RPTOR: variants seen among roughly 807,000 people sequenced by gnomAD.
RPTOR encodes regulatory associated protein of MTOR complex 1, also known as regulatory-associated protein of mTOR.
A neutral mutation model predicts 169.9 loss-of-function variants in RPTOR; 21 were observed. That is an observed-to-expected ratio of 0.12 (90% confidence interval 0.09 to 0.18). RPTOR has a LOEUF of 0.18. Among genes scored for constraint, RPTOR ranks in the 10% least tolerant of loss-of-function variants. The pLI, the probability that RPTOR is intolerant of heterozygous loss-of-function variation, is 1.00. For synonymous variants in RPTOR, 732 were observed against 753.2 expected, an observed-to-expected ratio of 0.97 and a Z score of 0.46; for missense variants, 1,133 against 1,855.9, an observed-to-expected ratio of 0.61 and a Z score of 7.16.
chr17:80,669,802 C>G (rs1005737660), intron 3 of RPTOR, among the ~76,000 whole-genome samples: 2 of 152,240 alleles, frequency 1.3e-5, no homozygotes, highest in Admixed American at 1.3e-4. Flanking sequence ...TGGATCATCT[C>G]TCTTTCCTCT....
intron 1 of RPTOR, among the ~76,000 whole-genome samples, chr17:80,606,074 C>T (rs964713950): frequency 2.0e-5 from 3 of 152,058 alleles, no homozygotes; most frequent in African/African-American, 2.4e-5. Flanking sequence ...TGCAGTGGTG[C>T]GATCTGGGCT....
intron 7 of RPTOR, among the ~76,000 whole-genome samples, chr17:80,799,826 C>T (rs571911128): frequency 3.6e-4 from 55 of 152,270 alleles, no homozygotes; most frequent in Middle Eastern, 3.4e-3. Context: ...GTCCTGAGTG[C>T]AGGCTGCAGG....
intron 1 of RPTOR, among the ~76,000 whole-genome samples, chr17:80,577,974 A>G (rs2064979958): frequency 6.6e-6 from 1 of 152,246 alleles, no homozygotes; most frequent in Non-Finnish European, 1.5e-5. Context: ...GCGCAGTCAA[A>G]TGCGTCAGAC....
chr17:80,545,881 G>A, intron 1 of RPTOR, 90 bp downstream of exon 1: 3 of 1,138,086 alleles, frequency 2.6e-6, no homozygotes, highest in South Asian at 1.7e-5. Context: ...GGAAAGCGCC[G>A]ACATTTCCCC....
chr17:80,770,248 G>C (rs1182584323), intron 6 of RPTOR, among the ~76,000 whole-genome samples: 1 of 152,228 alleles, frequency 6.6e-6, no homozygotes, highest in African/African-American at 2.4e-5. Flanking sequence ...ATCCCACTCA[G>C]GATGGCGGAG....
chr17:80,902,714 G>A lies in RPTOR; in HGVS notation c.2402-6097G>A, dbSNP rs574319787. 2.6e-5 allele frequency among the ~76,000 whole-genome samples: 4 copies of A among 152,348 alleles called. No homozygotes were observed. The East Asian group carries it at 7.7e-4, about 29-fold the overall frequency. On this transcript the variant is annotated intron_variant, in intron 20 of 33. Transcript: ENST00000306801. ...CCACATGTCCCGGGACCCAGCCTGA[G>A]GTGCCCTCCTCACCCCCAGACACCC...
At chr17:80,736,196 T>TG (rs35078731) in intron 5 of RPTOR, among the ~76,000 whole-genome samples, 27,066 of 151,720 alleles carry the variant, frequency 0.18, 2,843 homozygotes, top group East Asian at 0.24. Flanking sequence ...GTTCAGCCCA[T>TG]GGATCATGGG....
At chr17:80,909,378 T>G (rs1227741697) in intron 21 of RPTOR, among the ~76,000 whole-genome samples, 3 of 150,676 alleles carry the variant, frequency 2.0e-5, no homozygotes, top group Non-Finnish European at 3.0e-5. Context: ...ACTGCACCTG[T>G]TTTTTGTTTT....
intron 6 of RPTOR, among the ~76,000 whole-genome samples, chr17:80,765,528 C>G (rs558159878): frequency 1.3e-5 from 2 of 152,280 alleles, no homozygotes; most frequent in African/African-American, 4.8e-5. Flanking sequence ...TAACACCACA[C>G]GCCTGTAAGG....
At chr17:80,759,349 A>G (rs1457431981) in intron 6 of RPTOR, among the ~76,000 whole-genome samples, 1 of 152,188 alleles carries the variant, frequency 6.6e-6, no homozygotes, top group Non-Finnish European at 1.5e-5. Context: ...AGGAGTTAGG[A>G]CATAGTCAGA....
At chr17:80,702,427 G>C (rs890683817) in intron 3 of RPTOR, among the ~76,000 whole-genome samples, 5 of 152,066 alleles carry the variant, frequency 3.3e-5, no homozygotes, top group Non-Finnish European at 7.4e-5. Context: ...AGAAATTGTC[G>C]TAACTCCCCC....
intron 1 of RPTOR, among the ~76,000 whole-genome samples, chr17:80,569,298 G>A (rs2064877846): frequency 6.6e-6 from 1 of 152,134 alleles, no homozygotes; most frequent in Non-Finnish European, 1.5e-5. Flanking sequence ...GTTGAGTTTT[G>A]TTCTGGCAGG....
Position 80,857,941 on chromosome 17 carries a change from G to A in RPTOR, c.1509+41G>A, listed in dbSNP as rs200544074. ...CTCCTCCCCAGAGTGATGTGAACCT[G>A]CCGGCCCTTCTGGGGATGCCGAGCC... On this transcript the variant is annotated intron_variant, in intron 13 of 33. Coordinates refer to ENST00000306801, the MANE Select transcript of RPTOR (RefSeq NM_020761.3). 1.3e-3 allele frequency: 1,890 copies of A among 1,507,872 alleles called. 4 individuals are homozygous for A. Among genetic ancestry groups the A allele is most frequent in the Non-Finnish European group, 1.6e-3 (1,756 of 1,086,838 alleles). 93.4% of individuals were successfully genotyped at this position (1,507,872 alleles called of 1,614,324 possible).
At chr17:80,712,282 T>A (rs1365272144) in intron 4 of RPTOR, among the ~76,000 whole-genome samples, 1 of 152,196 alleles carries the variant, frequency 6.6e-6, no homozygotes, top group East Asian at 1.9e-4. Flanking sequence ...CAGATTTTGC[T>A]GAATGTGTGA....
chr17:80,686,125 C>A (rs7217011), intron 3 of RPTOR, among the ~76,000 whole-genome samples: 61,688 of 151,532 alleles, frequency 0.41, 13,087 homozygotes, highest in East Asian at 0.55. Flanking sequence ...ACTGAGTCTT[C>A]CTGTGCCCAG....
chr17:80,956,459 C>A (rs2069250178), intron 28 of RPTOR, among the ~76,000 whole-genome samples: 1 of 152,264 alleles, frequency 6.6e-6, no homozygotes, highest in Admixed American at 6.5e-5. Flanking sequence ...CCCTTGCTGA[C>A]GCCAGCCGTC....
intron 4 of RPTOR, among the ~76,000 whole-genome samples, chr17:80,720,628 A>G (rs1293200371): frequency 6.6e-6 from 1 of 152,232 alleles, no homozygotes; most frequent in Non-Finnish European, 1.5e-5. Context: ...TGATGCCAAG[A>G]GATACAAAAC....
chr17:80,888,630 A>G (rs1438385686), intron 17 of RPTOR, among the ~76,000 whole-genome samples: 1 of 152,188 alleles, frequency 6.6e-6, no homozygotes, highest in East Asian at 1.9e-4. Flanking sequence ...TGTCCAAGAA[A>G]GATGTCCTTG....
rs757318695 is a variant in RPTOR, at chr17:80,885,082, C to A, written c.1917C>A (p.Thr639=). 177 of 1,600,434 alleles carry A rather than the reference C, an allele frequency of 1.1e-4. No individual in the cohort carries two copies. The highest frequency in any genetic ancestry group is 3.3e-4 in the Middle Eastern group (2 of 6,042). ...CAGAGAGGACGGACCACTCCACCAC[C>A]ATCGACCACAACGTGGCCATGATGC... ...NSAERTDHST[T]IDHNVAMMLA... The change falls in exon 17 of 34, where the codon ACC becomes ACA. Residue 639 remains threonine, a synonymous_variant. Transcript: ENST00000306801.
Sources: gnomAD v4.1 joint callset for allele counts (sites outside exome capture counted in the v4.1 genomes callset) on GRCh38, gnomAD v4.1.1 for gene constraint, MANE v1.5 for transcripts, NCBI Gene and HGNC (gene_info 2026-07-23, HGNC 2026-07-21) for gene names.